Variants in CBFA2T2 observed in about 807,000 individuals in gnomAD.
The protein encoded by CBFA2T2 is protein CBFA2T2.
A neutral mutation model predicts 62.2 loss-of-function variants in CBFA2T2; 11 were observed. The ratio of observed to expected loss-of-function variants is 0.18; its 90% confidence interval spans 0.11 to 0.29. CBFA2T2 has a LOEUF of 0.29. Among genes scored for constraint, CBFA2T2 ranks in the 10% least tolerant of loss-of-function variants. The pLI is 1.00. For synonymous variants in CBFA2T2, 295 were observed against 287.5 expected (o/e 1.03, Z -0.27); for missense variants, 592 against 774.1 (o/e 0.76, Z 2.79).
chr20:33,624,890 C>A lies in CBFA2T2; in HGVS notation c.819C>A (p.Gly273=). 1 of 1,614,102 alleles carries A rather than the reference C, an allele frequency of 6.2e-7. No homozygotes were observed. Among genetic ancestry groups the A allele is most frequent in the Middle Eastern group, 1.6e-4 (1 of 6,062 alleles). ...CTGTGCCCCTCATGAATCCCGGGGG[C>A]CAATTCCATCCTACCCCTCCACCTC... ...ALTVPLMNPG[G]QFHPTPPPLQ... The change falls in exon 6 of 11, where the codon GGC becomes GGA. Residue 273 remains glycine (G), a synonymous_variant. Coordinates refer to ENST00000342704, the MANE Select transcript of CBFA2T2 (RefSeq NM_001032999.3).
At chr20:33,549,100 C>T (rs1302150304) in intron 1 of CBFA2T2, among the ~76,000 whole-genome samples, 4 of 151,930 alleles carry the variant, frequency 2.6e-5, no homozygotes, top group Admixed American at 1.3e-4. Context: ...TAATCTGGGA[C>T]GAGGAAAATC....
At chr20:33,535,688 AATTG>A (rs1331023586) in intron 1 of CBFA2T2, among the ~76,000 whole-genome samples, 2 of 118,098 alleles carry the variant, frequency 1.7e-5, no homozygotes, top group African/African-American at 6.5e-5. Context: ...ATTTATTTTT[AATTG>A]ATCATTCTTG....
chr20:33,579,188 C>T (rs2013990916), intron 1 of CBFA2T2, among the ~76,000 whole-genome samples: 2 of 149,724 alleles, frequency 1.3e-5, no homozygotes, highest in South Asian at 4.2e-4. Context: ...AGACATAAAC[C>T]ACCATGCCTG....
chr20:33,580,924 A>G (rs919252623), intron 1 of CBFA2T2, among the ~76,000 whole-genome samples: 4 of 152,072 alleles, frequency 2.6e-5, no homozygotes, highest in African/African-American at 4.8e-5. Flanking sequence ...TACAGATAAC[A>G]TTGCTGTTTG....
intron 5 of CBFA2T2, among the ~76,000 whole-genome samples, chr20:33,623,512 C>T (rs973858329): frequency 6.6e-6 from 1 of 152,212 alleles, no homozygotes; most frequent in African/African-American, 2.4e-5. Context: ...CTCACCTCAG[C>T]CTCCTGAGTA....
intron 1 of CBFA2T2, among the ~76,000 whole-genome samples, chr20:33,583,087 A>C (rs1430861898): frequency 2.0e-5 from 3 of 152,142 alleles, no homozygotes; most frequent in Admixed American, 6.5e-5. Flanking sequence ...CTTTCCTTTT[A>C]CATTATATCA....
intron 10 of CBFA2T2, among the ~76,000 whole-genome samples, chr20:33,643,545 C>G (rs1335208163): frequency 6.6e-6 from 1 of 151,110 alleles, no homozygotes; most frequent in Non-Finnish European, 1.5e-5. Flanking sequence ...ATAGCAAGAC[C>G]CTGTCTCCAA....
chr20:33,571,959 C>T (rs1044082690), intron 1 of CBFA2T2, among the ~76,000 whole-genome samples: 30 of 152,278 alleles, frequency 2.0e-4, no homozygotes, highest in Non-Finnish European at 2.6e-4. Flanking sequence ...GGCACAATCC[C>T]GGCTCACCAT....
intron 5 of CBFA2T2, 37 bp from the exon 6 acceptor site, chr20:33,624,727 T>C: frequency 6.2e-7 from 1 of 1,607,680 alleles, no homozygotes; most frequent in South Asian, 1.1e-5. Flanking sequence ...GAACACTTGT[T>C]GACAGGATCA....
intron 1 of CBFA2T2, among the ~76,000 whole-genome samples, chr20:33,529,084 G>C (rs2011970348): frequency 6.6e-6 from 1 of 152,024 alleles, no homozygotes; most frequent in Non-Finnish European, 1.5e-5. Context: ...GGAGTGCAGT[G>C]GCGCAATCTC....
chr20:33,619,290 C>T (rs569432467), intron 3 of CBFA2T2, among the ~76,000 whole-genome samples: 1 of 152,176 alleles, frequency 6.6e-6, no homozygotes, highest in African/African-American at 2.4e-5. Flanking sequence ...GAGGCCGAGG[C>T]GGGTGGATCA....
intron 3 of CBFA2T2, among the ~76,000 whole-genome samples, chr20:33,617,220 C>T (rs1301110886): frequency 6.6e-6 from 1 of 151,484 alleles, no homozygotes; most frequent in African/African-American, 2.4e-5. Context: ...AGTGACAGAG[C>T]TAGACCCTAT....
chr20:33,490,288 G>C lies in CBFA2T2; in HGVS notation c.21G>C (p.Ala7=). 7.9e-7 allele frequency: 1 copy of C among 1,268,834 alleles called. No homozygotes were observed. Among genetic ancestry groups the C allele is most frequent in the Non-Finnish European group, 9.9e-7 (1 of 1,008,850 alleles). 78.6% of individuals were successfully genotyped at this position (1,268,834 alleles called of 1,614,324 possible). A position where few individuals can be genotyped will look rare whatever the true frequency, so the allele number is the denominator to read the frequency against. ...CGGCGATGGTAGGCGTCCCTGGAGC[G>C]GCCGCCTTCCAGCGTAAGTGGGGCG... MVGVPG[A]AAFQLGPEKR... The change falls in exon 1 of 11, where the codon GCG becomes GCC. Residue 7 remains alanine, a synonymous_variant. Transcript: ENST00000342704.
intron 1 of CBFA2T2, among the ~76,000 whole-genome samples, chr20:33,500,600 T>A (rs1020419168): frequency 6.6e-6 from 1 of 151,874 alleles, no homozygotes. Context: ...TCACAGCTAC[T>A]TGGGAGGCTG....
intron 1 of CBFA2T2, among the ~76,000 whole-genome samples, chr20:33,491,284 A>T (rs1227432801): frequency 6.6e-6 from 1 of 152,248 alleles, no homozygotes; most frequent in Non-Finnish European, 1.5e-5. Flanking sequence ...CCCTGGGAAT[A>T]CAATAAACAA....
chr20:33,591,032 G>A (rs1239670311), intron 1 of CBFA2T2, among the ~76,000 whole-genome samples: 1 of 149,120 alleles, frequency 6.7e-6, no homozygotes, highest in East Asian at 2.0e-4. Flanking sequence ...ATAAAAATTT[G>A]CCGGGTGTGG....
At chr20:33,490,994 C>T (rs891353028) in intron 1 of CBFA2T2, among the ~76,000 whole-genome samples, 1 of 152,174 alleles carries the variant, frequency 6.6e-6, no homozygotes, top group African/African-American at 2.4e-5. Flanking sequence ...TAGGCTCTAG[C>T]CGTGTTAAGA....
Position 33,623,213 on chromosome 20 carries a change from C to G in CBFA2T2, c.609C>G (p.Leu203=), listed in dbSNP as rs1433571454. The change falls in exon 5 of 11, where the codon CTC becomes CTG. Residue 203 remains leucine, a synonymous_variant. Transcript: ENST00000342704. ...QYLAQHEHLL[L]NTSIASPADS... is the part of the protein sequence containing the mutation. ...TGGCTCAGCACGAACACCTTCTGCT[C>G]AACACAAGCATTGCATCGCCTGCTG... 2 of 1,614,122 alleles carry G rather than the reference C, an allele frequency of 1.2e-6. No individual in the cohort carries two copies. Among genetic ancestry groups the G allele is most frequent in the Non-Finnish European group, 1.7e-6 (2 of 1,180,052 alleles).
chr20:33,509,194 C>T (rs759106766), intron 1 of CBFA2T2, among the ~76,000 whole-genome samples: 6 of 151,156 alleles, frequency 4.0e-5, no homozygotes, highest in Non-Finnish European at 7.4e-5. Context: ...TGGTGAAATC[C>T]CTTATTTACT....
Sources: allele counts gnomAD v4.1 joint callset (sites outside exome capture counted in the v4.1 genomes callset), GRCh38; gene constraint gnomAD v4.1.1; transcripts MANE v1.5; gene names NCBI Gene and HGNC (gene_info 2026-07-23, HGNC 2026-07-21).